The following FAM174B variants were observed in gnomAD, a reference collection of about 807,000 sequenced individuals.
FAM174B encodes membrane protein FAM174B.
In FAM174B, 12 loss-of-function variants were observed where a neutral mutation model predicts 10.9. That is an observed-to-expected ratio of 1.10 (90% CI 0.71 to 1.79). The LOEUF (loss-of-function observed/expected upper bound fraction) is 1.79. FAM174B is among the 40% of genes most tolerant of loss of function. The probability of loss-of-function intolerance (pLI) is 0.00; values close to 1 mark genes in which losing one functional copy is unlikely to be tolerated. For missense variants in FAM174B, 266 were observed against 233.3 expected, an observed-to-expected ratio of 1.14 and a Z score of -0.91; for synonymous variants, 132 against 115.8, an observed-to-expected ratio of 1.14 and a Z score of -0.90.
intron 2 of FAM174B, among the ~76,000 whole-genome samples, chr15:92,620,981 A>G (rs1263381353): frequency 3.3e-5 from 5 of 152,192 alleles, no homozygotes; most frequent in Admixed American, 3.3e-4. Flanking sequence ...ATTTAATAGA[A>G]TTTACAAAAT....
rs112091431 is a variant in FAM174B at position 92,648,870 on chromosome 15, A to G, written c.344+6446T>C. ...CTGGCAGATTGCCCTTAGATTAAGT[A>G]TAGTTTATTTTTTAAGTGAAACAAT... On this transcript the variant is annotated intron_variant, in intron 1 of 2. Coordinates refer to ENST00000327355, the MANE Select transcript of FAM174B (RefSeq NM_207446.3). 1.7e-3 allele frequency among the ~76,000 whole-genome samples: 257 copies of G among 152,348 alleles called. 2 individuals are homozygous for G. The highest frequency in any genetic ancestry group is 6.0e-3 in the African/African-American group (249 of 41,572).
rs563565979 is a variant in FAM174B, at chr15:92,655,424, G to C, written c.236C>G (p.Thr79Ser). The C allele has an allele frequency of 1.8e-5, 28 of 1,593,516 alleles. No homozygotes were observed. The South Asian group carries it at 2.6e-4, about 15-fold the overall frequency. The change falls in exon 1 of 3, where the codon ACC (threonine) becomes AGC (serine). Residue 79 changes from threonine (T) to serine (S), a missense_variant. Physicochemically the swap from Thr to Ser is moderately conservative, Grantham distance 58. Coordinates refer to ENST00000327355, the MANE Select transcript of FAM174B (RefSeq NM_207446.3). Reference protein sequence around the residue: ...SSNSSGDALVTRISILLRDLP... With the variant: ...SSNSSGDALVSRISILLRDLP... ...GTCGCGGAGGAGGATGGAAATGCGG[G>C]TCACCAAGGCGTCGCCACTGCTGTT...
In FAM174B at chr15:92,619,411, GC is replaced by G. The variant is rs2050703674; in HGVS notation, c.*44del. ...CCAGTCCTTCACACCCCAGGTTGCA[GC>G]TGACCAACTTTCCACAGGATGCCAC... On this transcript the variant is annotated 3_prime_UTR_variant, in exon 3 of 3. Transcript: ENST00000327355. 1 of 1,613,496 alleles carries G rather than the reference GC, an allele frequency of 6.2e-7. No individual in the cohort carries two copies. The highest frequency in any genetic ancestry group is 1.7e-5 in the Admixed American group (1 of 59,990).
At chr15:92,630,661 G>A (rs1446876490) in intron 1 of FAM174B, among the ~76,000 whole-genome samples, 1 of 147,168 alleles carries the variant, frequency 6.8e-6, no homozygotes, top group Non-Finnish European at 1.5e-5. Flanking sequence ...CAGTAAGCAA[G>A]ATAAATAATA....
In FAM174B at chr15:92,617,759, C is replaced by A; in HGVS notation, c.*1697G>T. ...ACCGTGGAGAGGAGAGATAAAGCAG[C>A]CACGGCTGTTCTGTTGCCAGTCCCA... On this transcript the variant is annotated 3_prime_UTR_variant, in exon 3 of 3. Transcript: ENST00000327355. 1 of 583,900 alleles carries A rather than the reference C, an allele frequency of 1.7e-6. No homozygotes were observed. The highest frequency in any genetic ancestry group is 3.2e-5 in the East Asian group (1 of 30,826). 36.2% of individuals were successfully genotyped at this position (583,900 alleles called of 1,614,324 possible).
intron 2 of FAM174B, among the ~76,000 whole-genome samples, chr15:92,627,965 A>C (rs1185973790): frequency 6.6e-6 from 1 of 152,132 alleles, no homozygotes; most frequent in Non-Finnish European, 1.5e-5. Context: ...TGGTTCCAAG[A>C]CCTCCTGCAA....
intron 2 of FAM174B, among the ~76,000 whole-genome samples, chr15:92,625,326 G>A (rs778482565): frequency 6.6e-6 from 1 of 152,204 alleles, no homozygotes; most frequent in Non-Finnish European, 1.5e-5. Context: ...GAAATAAGAA[G>A]CAGGTTACTC....
chr15:92,633,880 C>T (rs2050835317), intron 1 of FAM174B, among the ~76,000 whole-genome samples: 2 of 152,162 alleles, frequency 1.3e-5, no homozygotes, highest in South Asian at 2.1e-4. Context: ...AATTCCATCT[C>T]AACACTGGCA....
intron 1 of FAM174B, among the ~76,000 whole-genome samples, chr15:92,641,835 C>T (rs959904182): frequency 6.6e-6 from 1 of 152,050 alleles, no homozygotes; most frequent in Non-Finnish European, 1.5e-5. Flanking sequence ...AAATTTAAAA[C>T]TTTTGTGCTT....
intron 1 of FAM174B, among the ~76,000 whole-genome samples, chr15:92,637,902 A>G (rs1166934166): frequency 1.3e-5 from 2 of 152,178 alleles, no homozygotes; most frequent in Non-Finnish European, 2.9e-5. Flanking sequence ...CTGGTTCTAG[A>G]AAGAGCCCAG....
intron 1 of FAM174B, among the ~76,000 whole-genome samples, chr15:92,631,933 G>C (rs1001402811): frequency 4.6e-5 from 7 of 152,220 alleles, no homozygotes; most frequent in African/African-American, 1.7e-4. Flanking sequence ...CGGGAGAGTT[G>C]GGTCAGAAAC....
At chr15:92,645,009 C>T (rs1304319219) in intron 1 of FAM174B, among the ~76,000 whole-genome samples, 1 of 152,242 alleles carries the variant, frequency 6.6e-6, no homozygotes, top group East Asian at 1.9e-4. Context: ...CTGTGGGCCA[C>T]ATTTTTCAGC....
At chr15:92,637,891 C>A (rs570111887) in intron 1 of FAM174B, among the ~76,000 whole-genome samples, 3 of 152,296 alleles carry the variant, frequency 2.0e-5, no homozygotes, top group African/African-American at 7.2e-5. Context: ...GGACAAAGCA[C>A]CTGGTTCTAG....
rs923129636 is a variant in FAM174B, at chr15:92,619,180, A to T, written c.*276T>A. On this transcript the variant is annotated 3_prime_UTR_variant, in exon 3 of 3. Transcript: ENST00000327355. ...TCTACCCTTTGCTCCTTAGCAAGGC[A>T]CAAAGCCTCTTACATGGGGAGTAGA... is the stretch of plus-strand genomic sequence containing the variant. The T allele has an allele frequency of 2.8e-6, 2 of 702,250 alleles. No individual in the cohort carries two copies. Among genetic ancestry groups the T allele is most frequent in the African/African-American group, 3.5e-5 (2 of 57,252 alleles). 43.5% of individuals were successfully genotyped at this position (702,250 alleles called of 1,614,324 possible).
Position 92,655,645 on chromosome 15 carries a change from C to G in FAM174B, c.15G>C (p.Pro5=). Reference sequence around the variant, plus strand: ...GCAGCGGCAGGAGCGGGGCGGGCAGCGGCACGGCGCGCATAGTGCGGTGGG... The same window carrying G: ...GCAGCGGCAGGAGCGGGGCGGGCAGGGGCACGGCGCGCATAGTGCGGTGGG... MRAV[P]LPAPLLPLLL... Residue 5 remains proline (P), a synonymous_variant, in exon 1 of 3, where the codon CCG becomes CCC. Transcript: ENST00000327355. 1 of 1,253,458 alleles carries G rather than the reference C, an allele frequency of 8.0e-7. No individual in the cohort carries two copies. The highest frequency in any genetic ancestry group is 3.3e-5 in the East Asian group (1 of 30,690). The allele number at this position is 1,253,458 out of a possible 1,614,324, so 77.6% of individuals were successfully genotyped here.
At chr15:92,622,362 C>T (rs1368144602) in intron 2 of FAM174B, among the ~76,000 whole-genome samples, 2 of 152,260 alleles carry the variant, frequency 1.3e-5, no homozygotes, top group Admixed American at 6.5e-5. Flanking sequence ...CAGGCCTGGA[C>T]ACCAGCTCTC....
In FAM174B at chr15:92,650,545, G is replaced by A. The variant is rs534571044; in HGVS notation, c.344+4771C>T. Among the ~76,000 whole-genome samples, 21 of 152,316 alleles carry A rather than the reference G, an allele frequency of 1.4e-4. No individual in the cohort carries two copies. In the South Asian group the frequency reaches 3.1e-3, roughly 23 times the overall value. Reference sequence around the variant, plus strand: ...AAAGGATCCCCAGGATGAAAGGAACGTTGTGGTTTCGAGGTGGCAGGGTTT... The same window carrying A: ...AAAGGATCCCCAGGATGAAAGGAACATTGTGGTTTCGAGGTGGCAGGGTTT... On this transcript the variant is annotated intron_variant, in intron 1 of 2. Coordinates refer to ENST00000327355, the MANE Select transcript of FAM174B (RefSeq NM_207446.3).
At chr15:92,628,853 T>C (rs1230032737) in intron 2 of FAM174B, among the ~76,000 whole-genome samples, 1 of 152,180 alleles carries the variant, frequency 6.6e-6, no homozygotes, top group African/African-American at 2.4e-5. Flanking sequence ...CCAATGAGAA[T>C]ATATCTTAAC....
At chr15:92,626,139 A>ACGCAGTCTCGCTCTTTCAC (rs373252541) in intron 2 of FAM174B, among the ~76,000 whole-genome samples, 1 of 137,398 alleles carries the variant, frequency 7.3e-6, no homozygotes. Flanking sequence ...TTTTTTTGAG[A>ACGCAGTCTCGCTCTTTCAC]CCAGGCCGGA....
Sources: allele counts gnomAD v4.1 joint callset (sites outside exome capture counted in the v4.1 genomes callset), GRCh38; gene constraint gnomAD v4.1.1; transcripts MANE v1.5; gene names NCBI Gene and HGNC (gene_info 2026-07-23, HGNC 2026-07-21).